The following CDYL2 variants were observed in gnomAD, a reference collection of about 807,000 sequenced individuals.
CDYL2 encodes the protein chromodomain Y-like protein 2.
Under a neutral mutation model 49.4 loss-of-function variants are expected in CDYL2, and 23 were observed. That is an observed-to-expected ratio of 0.47 (90% confidence interval 0.34 to 0.66). The LOEUF (loss-of-function observed/expected upper bound fraction) is 0.66. CDYL2 is among the 30% of genes least tolerant of loss of function. The pLI is 0.01. For missense variants in CDYL2, 678 were observed against 656.4 expected, an observed-to-expected ratio of 1.03 and a Z score of -0.36; for synonymous variants, 360 against 268.8, an observed-to-expected ratio of 1.34 and a Z score of -3.32.
At chr16:80,683,364 AC>A (rs1910045722) in intron 2 of CDYL2, among the ~76,000 whole-genome samples, 1 of 152,248 alleles carries the variant, frequency 6.6e-6, no homozygotes, top group Non-Finnish European at 1.5e-5. Context: ...CAAGCAGCTA[AC>A]CTGAAAGACT....
intron 2 of CDYL2, among the ~76,000 whole-genome samples, chr16:80,675,426 A>C (rs557567495): frequency 6.6e-6 from 1 of 152,324 alleles, no homozygotes; most frequent in East Asian, 1.9e-4. Context: ...TAGTAGATCA[A>C]ATACAAAGAG....
intron 1 of CDYL2, among the ~76,000 whole-genome samples, chr16:80,690,688 C>T (rs1242758757): frequency 2.6e-5 from 4 of 152,112 alleles, no homozygotes; most frequent in Non-Finnish European, 4.4e-5. Context: ...ATATCCGCAG[C>T]TTCAGGCTCT....
rs201947369 is a variant in CDYL2 at position 80,768,086 on chromosome 16, T to G, written c.24+36064A>C. Among the ~76,000 whole-genome samples the G allele has an allele frequency of 5.3e-5, 8 of 152,190 alleles. No individual in the cohort carries two copies. In the South Asian group the frequency reaches 1.5e-3, roughly 28 times the overall value. ...CAGGATTCTAAAAGGCAAAGCCCAT[T>G]CCCCCACTGCCACACCAGTAACAAG... On this transcript the variant is annotated intron_variant, in intron 1 of 6. Coordinates refer to ENST00000570137, the MANE Select transcript of CDYL2 (RefSeq NM_152342.4).
At chr16:80,606,201 CT>C (rs1247720896) in intron 6 of CDYL2, among the ~76,000 whole-genome samples, 2 of 152,254 alleles carry the variant, frequency 1.3e-5, no homozygotes, top group African/African-American at 2.4e-5. Context: ...CCAGCTGGCT[CT>C]TTCCCCCTGG....
At chr16:80,787,270 A>G (rs1907468400) in intron 1 of CDYL2, among the ~76,000 whole-genome samples, 1 of 152,194 alleles carries the variant, frequency 6.6e-6, no homozygotes, top group South Asian at 2.1e-4. Context: ...AATGGAACTG[A>G]GAGGTCTTGG....
chr16:80,793,853 T>C (rs1597136773), intron 1 of CDYL2, among the ~76,000 whole-genome samples: 1 of 152,240 alleles, frequency 6.6e-6, no homozygotes, highest in Non-Finnish European at 1.5e-5. Context: ...TTTTCACTAA[T>C]AGCAAAATTT....
At chr16:80,667,010 A>T (rs16953787) in intron 2 of CDYL2, among the ~76,000 whole-genome samples, 1,833 of 152,270 alleles carry the variant, frequency 0.012, 39 homozygotes, top group African/African-American at 0.043. Context: ...ACCACTACAA[A>T]CCGAGGTCAG....
rs944839395 is a variant in CDYL2, at chr16:80,776,516, T to C, written c.24+27634A>G. Among the ~76,000 whole-genome samples the C allele has an allele frequency of 5.3e-5, 8 of 151,640 alleles. No individual in the cohort carries two copies. In the South Asian group the frequency reaches 1.0e-3, roughly 20 times the overall value. ...CGAAATGATCCCAAAAGTCTATTGA[T>C]AATGGAATGTATAAATAAATTCCAT... On this transcript the variant is annotated intron_variant, in intron 1 of 6. Transcript: ENST00000570137.
intron 1 of CDYL2, among the ~76,000 whole-genome samples, chr16:80,730,476 A>G (rs1567587813): frequency 6.6e-6 from 1 of 152,146 alleles, no homozygotes; most frequent in Non-Finnish European, 1.5e-5. Context: ...TGCCAACCAA[A>G]AAGAGTCCAG....
chr16:80,608,187 A>G lies in CDYL2; in HGVS notation c.1267T>C (p.Cys423Arg), dbSNP rs776495063. Reference protein sequence around the residue: ...CGRKLTAQEACSRGLVSQVFW... With the variant: ...CGRKLTAQEARSRGLVSQVFW... ...ACCTGCGACACCAGCCCCCTGCTGC[A>G]GGCCTCCTGGGCGGTGAGCTTCCGC... Residue 423 changes from cysteine to arginine, a missense_variant, in exon 6 of 7, where the codon TGC becomes CGC. By Grantham distance (180) the Cys-to-Arg change is radical. Transcript: ENST00000570137. 6.2e-7 allele frequency: 1 copy of G among 1,600,270 alleles called. No individual in the cohort carries two copies. Among genetic ancestry groups the G allele is most frequent in the South Asian group, 1.1e-5 (1 of 88,114 alleles).
At chr16:80,785,661 CTG>C (rs1460042550) in intron 1 of CDYL2, among the ~76,000 whole-genome samples, 1 of 152,138 alleles carries the variant, frequency 6.6e-6, no homozygotes, top group Non-Finnish European at 1.5e-5. Context: ...CCAAGACAAT[CTG>C]GAGCAAGAAG....
chr16:80,786,321 C>T (rs1164255728), intron 1 of CDYL2, among the ~76,000 whole-genome samples: 1 of 152,166 alleles, frequency 6.6e-6, no homozygotes, highest in Non-Finnish European at 1.5e-5. Context: ...ACAGACACTT[C>T]TCAAAAGAAG....
chr16:80,613,115 A>T (rs974657627), intron 4 of CDYL2, among the ~76,000 whole-genome samples: 1 of 152,074 alleles, frequency 6.6e-6, no homozygotes, highest in African/African-American at 2.4e-5. Context: ...CACTCTCAAA[A>T]GCCATAGCTT....
chr16:80,675,023 A>C (rs1909686059), intron 2 of CDYL2, among the ~76,000 whole-genome samples: 1 of 152,120 alleles, frequency 6.6e-6, no homozygotes, highest in Non-Finnish European at 1.5e-5. Context: ...TGTGTGTTTT[A>C]ATCTAAGGCC....
At position 80,684,969 on chromosome 16, in the gene CDYL2, T is replaced by G. The variant is rs779845665; in HGVS notation, c.185A>C (p.Lys62Thr). The change falls in exon 2 of 7, where the codon AAG (lysine) becomes ACG (threonine). Residue 62 changes from lysine (K) to threonine (T), a missense_variant. Lys to Thr is a moderately conservative substitution (Grantham distance 78). Around this residue, in one of 3 missense-constraint regions of CDYL2, gnomAD observed 478 missense variants for 427.0 expected, o/e 1.12. Transcript: ENST00000570137. ...IDEFNGLHMS[K>T]DKRIKSGKQS... ...CTTCCCTGACTTGATCCTCTTGTCC[T>G]TGGACATGTGCAACCCATTGAATTC... The G allele has an allele frequency of 6.2e-7, 1 of 1,614,156 alleles. No individual in the cohort carries two copies.
chr16:80,784,220 G>C (rs991421476), intron 1 of CDYL2, among the ~76,000 whole-genome samples: 7 of 151,214 alleles, frequency 4.6e-5, no homozygotes, highest in African/African-American at 1.7e-4. Flanking sequence ...CTTTCATTTT[G>C]TTGTTCTCTT....
At chr16:80,754,981 C>A (rs1906260680) in intron 1 of CDYL2, among the ~76,000 whole-genome samples, 1 of 151,944 alleles carries the variant, frequency 6.6e-6, no homozygotes, top group Non-Finnish European at 1.5e-5. Context: ...TGGGCAGTCA[C>A]CCACCAACAA....
chr16:80,659,615 T>C (rs973633352), intron 2 of CDYL2, among the ~76,000 whole-genome samples: 6 of 151,882 alleles, frequency 4.0e-5, no homozygotes, highest in Middle Eastern at 3.2e-3. Context: ...ATTATAAATA[T>C]GTGTGTCTAT....
intron 1 of CDYL2, among the ~76,000 whole-genome samples, chr16:80,734,172 A>T (rs1197399721): frequency 6.6e-6 from 1 of 152,190 alleles, no homozygotes; most frequent in African/African-American, 2.4e-5. Flanking sequence ...CCATCATGCA[A>T]AGCTCCGTAT....
Sources: allele counts gnomAD v4.1 joint callset (sites outside exome capture counted in the v4.1 genomes callset), GRCh38; gene constraint gnomAD v4.1.1; regional missense constraint gnomAD v4.1.1; transcripts MANE v1.5; gene names NCBI Gene and HGNC (gene_info 2026-07-23, HGNC 2026-07-21).